The following DOK5 variants were observed in gnomAD, a reference collection of about 807,000 sequenced individuals.
DOK5 encodes docking protein 5.
In DOK5, 27 loss-of-function variants were observed where a neutral mutation model predicts 43.3. The observed-to-expected ratio is 0.62, with a 90% confidence interval of 0.46 to 0.86. The LOEUF (loss-of-function observed/expected upper bound fraction) is 0.86. DOK5 is among the 40% of genes least tolerant of loss of function. The pLI, the probability that DOK5 is intolerant of heterozygous loss-of-function variation, is 0.00. For synonymous variants in DOK5, 146 were observed against 140.1 expected, an observed-to-expected ratio of 1.04 and a Z score of -0.30; for missense variants, 373 against 392.9, an observed-to-expected ratio of 0.95 and a Z score of 0.43.
intron 2 of DOK5, among the ~76,000 whole-genome samples, chr20:54,558,943 T>TTGG (rs1984808642): frequency 6.6e-6 from 1 of 152,134 alleles, no homozygotes; most frequent in Admixed American, 6.5e-5. Context: ...AATTGGAAAA[T>TTGG]AAACATATGA....
chr20:54,575,696 C>G (rs1019904777), intron 2 of DOK5, among the ~76,000 whole-genome samples: 36 of 152,330 alleles, frequency 2.4e-4, no homozygotes, highest in African/African-American at 8.7e-4. Context: ...CCACCTTGGC[C>G]TCCCAAGGTG....
intron 7 of DOK5, among the ~76,000 whole-genome samples, chr20:54,644,717 A>AC (rs1568827185): frequency 0.025 from 1,702 of 68,110 alleles, 53 homozygotes; most frequent in Middle Eastern, 0.067. Flanking sequence ...AAAAAAAAAA[A>AC]AAAAAAACAA....
At chr20:54,526,330 GGAC>G (rs1283450599) in intron 1 of DOK5, among the ~76,000 whole-genome samples, 1 of 152,066 alleles carries the variant, frequency 6.6e-6, no homozygotes, top group East Asian at 1.9e-4. Context: ...CCCAAAGCTG[GGAC>G]GACGACGGCA....
Position 54,537,027 on chromosome 20 carries a change from A to G in DOK5, c.67-17906A>G, listed in dbSNP as rs552716319. Among the ~76,000 whole-genome samples the G allele has an allele frequency of 2.0e-5, 3 of 152,330 alleles. No homozygotes were observed. The South Asian group carries it at 6.2e-4, about 32-fold the overall frequency. On this transcript the variant is annotated intron_variant, in intron 1 of 7. Transcript: ENST00000262593. ...AGACCTAATGGAATCAGCATTGCCC[A>G]GTGGTAATGAGGCCACTCCTACTGC...
At chr20:54,491,705 G>A (rs906016758) in intron 1 of DOK5, among the ~76,000 whole-genome samples, 3 of 152,174 alleles carry the variant, frequency 2.0e-5, no homozygotes, top group African/African-American at 7.2e-5. Flanking sequence ...AGCATCTCAA[G>A]TACCCGAAAC....
chr20:54,593,747 A>G (rs566234201), intron 5 of DOK5, among the ~76,000 whole-genome samples: 66 of 152,338 alleles, frequency 4.3e-4, no homozygotes, highest in African/African-American at 1.5e-3. Context: ...AATCAACCCA[A>G]ATGCTCATCG....
rs1983653363 is a variant in DOK5 at position 54,528,456 on chromosome 20, G to A, written c.67-26477G>A. The stretch of plus-strand genomic sequence containing the variant: ...TCTTGTATACGGCTTCCCACCTAGA[G>A]GTTACCTCATGGTCCAAGATGGCTG... On this transcript the variant is annotated intron_variant, in intron 1 of 7. Coordinates refer to ENST00000262593, the MANE Select transcript of DOK5 (RefSeq NM_018431.5). 3.3e-5 allele frequency among the ~76,000 whole-genome samples: 5 copies of A among 151,972 alleles called. No individual in the cohort carries two copies. The South Asian group carries it at 8.3e-4, about 25-fold the overall frequency.
chr20:54,502,132 T>C (rs902439015), intron 1 of DOK5, among the ~76,000 whole-genome samples: 2 of 152,340 alleles, frequency 1.3e-5, no homozygotes, highest in East Asian at 3.9e-4. Flanking sequence ...GGTATGTATA[T>C]GGCCTATCAG....
chr20:54,480,909 C>G (rs531954890), intron 1 of DOK5, among the ~76,000 whole-genome samples: 1 of 143,966 alleles, frequency 6.9e-6, no homozygotes, highest in East Asian at 1.9e-4. Flanking sequence ...CTCCATCTAT[C>G]TATCTATCTA....
At chr20:54,477,859 C>T (rs1981496400) in intron 1 of DOK5, among the ~76,000 whole-genome samples, 1 of 152,186 alleles carries the variant, frequency 6.6e-6, no homozygotes, top group African/African-American at 2.4e-5. Flanking sequence ...GTTACCATCA[C>T]TTTCTTGTTT....
intron 6 of DOK5, among the ~76,000 whole-genome samples, chr20:54,618,456 C>T (rs1600741137): frequency 2.0e-5 from 3 of 152,158 alleles, no homozygotes; most frequent in East Asian, 1.9e-4. Context: ...CGATTCTTCC[C>T]CCTCAGCCTC....
intron 5 of DOK5, among the ~76,000 whole-genome samples, chr20:54,603,242 A>C (rs770807530): frequency 2.0e-5 from 3 of 152,174 alleles, no homozygotes; most frequent in Non-Finnish European, 2.9e-5. Flanking sequence ...TTCTCACCCT[A>C]CCAGTCATAG....
intron 7 of DOK5, among the ~76,000 whole-genome samples, chr20:54,644,660 A>G (rs1397643876): frequency 6.7e-6 from 1 of 149,128 alleles, no homozygotes; most frequent in Admixed American, 6.7e-5. Flanking sequence ...GAGCCGAGAT[A>G]GCGCCACTGC....
At chr20:54,580,531 G>A (rs1330509052) in intron 2 of DOK5, among the ~76,000 whole-genome samples, 2 of 151,920 alleles carry the variant, frequency 1.3e-5, no homozygotes, top group East Asian at 1.9e-4. Flanking sequence ...GGTCTGTGGG[G>A]TTGTTTTTTT....
intron 6 of DOK5, among the ~76,000 whole-genome samples, chr20:54,621,225 G>T (rs1367629045): frequency 6.6e-6 from 1 of 152,228 alleles, no homozygotes; most frequent in African/African-American, 2.4e-5. Context: ...GAGAGTCTGG[G>T]AAGAGGCTTT....
At chr20:54,592,781 T>G (rs1986019101) in intron 5 of DOK5, among the ~76,000 whole-genome samples, 1 of 152,082 alleles carries the variant, frequency 6.6e-6, no homozygotes, top group African/African-American at 2.4e-5. Context: ...GACCTCGCGC[T>G]TCGGCCTTCC....
chr20:54,634,515 C>T (rs1978731343), intron 6 of DOK5, among the ~76,000 whole-genome samples: 2 of 141,048 alleles, frequency 1.4e-5, no homozygotes, highest in African/African-American at 5.5e-5. Flanking sequence ...GATCTCGGCT[C>T]ACTACAAGCT....
chr20:54,628,621 C>T (rs1978424068), intron 6 of DOK5, among the ~76,000 whole-genome samples: 1 of 152,018 alleles, frequency 6.6e-6, no homozygotes, highest in Admixed American at 6.6e-5. Flanking sequence ...ATAACATCTG[C>T]ATCTCTGTTC....
At chr20:54,636,441 C>G (rs1384179955) in intron 6 of DOK5, among the ~76,000 whole-genome samples, 1 of 152,170 alleles carries the variant, frequency 6.6e-6, no homozygotes, top group East Asian at 1.9e-4. Flanking sequence ...TATTGCAGAA[C>G]CTGAGATTGG....
Sources: gnomAD v4.1 joint callset for allele counts (sites outside exome capture counted in the v4.1 genomes callset) on GRCh38, gnomAD v4.1.1 for gene constraint, MANE v1.5 for transcripts, NCBI Gene and HGNC (gene_info 2026-07-23, HGNC 2026-07-21) for gene names.